Variants in PDXK observed in about 807,000 individuals in gnomAD.
PDXK encodes epididymis secretory sperm binding protein Li 1a.
In PDXK, 15 loss-of-function variants were observed where a neutral mutation model predicts 43.2. The observed-to-expected ratio is 0.35, with a 90% confidence interval of 0.23 to 0.53. The LOEUF is 0.53. Ranked by LOEUF, PDXK falls within the 20% of genes least tolerant of loss-of-function variation. The probability of loss-of-function intolerance (pLI) is 0.92; values close to 1 mark genes in which losing one functional copy is unlikely to be tolerated. For synonymous variants in PDXK, 172 were observed against 165.4 expected (o/e 1.04, Z -0.31); for missense variants, 343 against 417.0 (o/e 0.82, Z 1.54).
chr21:43,729,929 A>G (rs2083296207), intron 1 of PDXK, among the ~76,000 whole-genome samples: 2 of 152,012 alleles, frequency 1.3e-5, no homozygotes, highest in African/African-American at 2.4e-5. Flanking sequence ...GGGCAACAGC[A>G]TGAGATCCTG....
chr21:43,740,563 GC>G (rs1017723665), intron 2 of PDXK, among the ~76,000 whole-genome samples: 1 of 151,998 alleles, frequency 6.6e-6, no homozygotes, highest in Non-Finnish European at 1.5e-5. Context: ...GTGGATGGCT[GC>G]CCCCTGAGCA....
chr21:43,744,924 C>T (rs1357827025), intron 4 of PDXK, among the ~76,000 whole-genome samples: 2 of 152,162 alleles, frequency 1.3e-5, no homozygotes, highest in African/African-American at 4.8e-5. Flanking sequence ...ATTACTCAGT[C>T]TGGAAAAGGA....
Position 43,753,604 on chromosome 21 carries a change from T to C in PDXK, c.644T>C (p.Val215Ala). 1 of 1,613,064 alleles carries C rather than the reference T, an allele frequency of 6.2e-7. No homozygotes were observed. The highest frequency in any genetic ancestry group is 8.5e-7 in the Non-Finnish European group (1 of 1,179,364). ...CTAGGGAATCCCGCTGGCTCCGTGG[T>C]GATGGAACGCATCCGGATGGACATT... ...QRRRNPAGSV[V>A]MERIRMDIRK... The change falls in exon 9 of 11, where the codon GTG becomes GCG. Residue 215 changes from valine to alanine, a missense_variant. Physicochemically the swap from Val to Ala is moderately conservative, Grantham distance 64 (BLOSUM62 0). Coordinates refer to ENST00000291565, the MANE Select transcript of PDXK (RefSeq NM_003681.5).
chr21:43,730,583 G>A (rs1432078530), intron 1 of PDXK, among the ~76,000 whole-genome samples: 1 of 152,204 alleles, frequency 6.6e-6, no homozygotes, highest in East Asian at 1.9e-4. Context: ...AAATAGCTGA[G>A]TAGACAACAG....
rs113039409 is a variant in PDXK, at chr21:43,735,091, C to T, written c.142+968C>T. 4.4e-3 allele frequency among the ~76,000 whole-genome samples: 668 copies of T among 152,306 alleles called. 4 individuals are homozygous for T. Among genetic ancestry groups the T allele is most frequent in the African/African-American group, 0.015 (631 of 41,562 alleles). ...CAGACGGACAGGCTCCAGCTCTTGG[C>T]GGTGCAGATGGACAAGCTCCAGCTC... On this transcript the variant is annotated intron_variant, in intron 2 of 10. Transcript: ENST00000291565. The surrounding 1 kb of genome is among the most constrained non-coding windows in gnomAD (Gnocchi z 5.3).
In PDXK at chr21:43,753,674, T is replaced by C. The variant is rs912365069; in HGVS notation, c.714T>C (p.Ala238=). The C allele has an allele frequency of 3.0e-5, 49 of 1,613,716 alleles. No homozygotes were observed. Among genetic ancestry groups the C allele is most frequent in the Non-Finnish European group, 4.2e-5 (49 of 1,179,792 alleles). The change falls in exon 9 of 11, where the codon GCT becomes GCC. Residue 238 remains alanine, a synonymous_variant. Coordinates refer to ENST00000291565, the MANE Select transcript of PDXK (RefSeq NM_003681.5). The part of the protein sequence containing the change: ...AVFVGTGDLF[A]AMLLAWTHKH... ...TTGTGGGCACTGGGGACCTGTTTGC[T>C]GCCATGCTCCTGGCGTGGACACACA...
chr21:43,727,104 A>G (rs924325977), intron 1 of PDXK, among the ~76,000 whole-genome samples: 1 of 152,128 alleles, frequency 6.6e-6, no homozygotes, highest in African/African-American at 2.4e-5. Flanking sequence ...TTCCCTGGAA[A>G]GGGAGGGGCG....
intron 4 of PDXK, 141 bp from the exon 5 acceptor site, chr21:43,745,938 A>G: frequency 1.4e-6 from 1 of 710,466 alleles, no homozygotes; most frequent in Non-Finnish European, 2.6e-6. Context: ...TCGAGGTTGC[A>G]GTGAACCATG....
rs1030517463 is a variant in PDXK at position 43,734,314 on chromosome 21, C to G, written c.142+191C>G. Among the ~76,000 whole-genome samples the G allele has an allele frequency of 2.0e-5, 3 of 151,744 alleles. No homozygotes were observed. The highest frequency in any genetic ancestry group is 4.4e-5 in the Non-Finnish European group (3 of 67,916). On this transcript the variant is annotated intron_variant, in intron 2 of 10. Transcript: ENST00000291565. This position sits in a 1 kb window ranked among gnomAD's most constrained non-coding sequence, Gnocchi z 5.0. ...ATATCAGGGTGTAGGCCTGGGTGGCCTCGCCTCTGAGAGGGGTTGTGTTGA... is the reference window on the plus strand; with the variant it reads ...ATATCAGGGTGTAGGCCTGGGTGGCGTCGCCTCTGAGAGGGGTTGTGTTGA...
chr21:43,723,303 C>T lies in PDXK; in HGVS notation c.87+3922C>T, dbSNP rs915353361. Among the ~76,000 whole-genome samples the T allele has an allele frequency of 6.6e-6, 1 of 151,998 alleles. No homozygotes were observed. The highest frequency in any genetic ancestry group is 2.1e-4 in the South Asian group (1 of 4,820). On this transcript the variant is annotated intron_variant, in intron 1 of 10. Transcript: ENST00000291565. The surrounding 1 kb of genome is among the most constrained non-coding windows in gnomAD (Gnocchi z 4.1). ...CTGAGTAGCTGGGATTACAAGTATG[C>T]ACCACCACACCTGACTAATTTTTCT...
Position 43,737,202 on chromosome 21 carries a change from G to A in PDXK, c.142+3079G>A, listed in dbSNP as rs754028034. 1.0e-4 allele frequency: 144 copies of A among 1,440,100 alleles called. No homozygotes were observed. Among genetic ancestry groups the A allele is most frequent in the Non-Finnish European group, 1.2e-4 (137 of 1,099,186 alleles). The allele number at this position is 1,440,100 out of a possible 1,614,324, so 89.2% of individuals were successfully genotyped here. Reference sequence around the variant, plus strand: ...GACACGGGTGTTCCACACAAGCTGCGTTGTTGGTTCCCTGACGCCCTTCAG... The same window carrying A: ...GACACGGGTGTTCCACACAAGCTGCATTGTTGGTTCCCTGACGCCCTTCAG... On this transcript the variant is annotated intron_variant, in intron 2 of 10. Transcript: ENST00000291565. This position sits in a 1 kb window ranked among gnomAD's most constrained non-coding sequence, Gnocchi z 4.8.
At chr21:43,750,867 T>C (rs1201052288) in intron 7 of PDXK, among the ~76,000 whole-genome samples, 1 of 151,862 alleles carries the variant, frequency 6.6e-6, no homozygotes, top group East Asian at 1.9e-4. Flanking sequence ...CATGTGCGTC[T>C]GTGTGCATGT....
intron 7 of PDXK, among the ~76,000 whole-genome samples, 190 bp from the exon 8 acceptor site, chr21:43,752,328 T>C (rs1260981504): frequency 6.6e-6 from 1 of 152,182 alleles, no homozygotes; most frequent in African/African-American, 2.4e-5. Context: ...GGGGGGATGG[T>C]GGCTGACCAG....
At chr21:43,730,218 C>T (rs2083300444) in intron 1 of PDXK, among the ~76,000 whole-genome samples, 2 of 152,066 alleles carry the variant, frequency 1.3e-5, no homozygotes, top group Admixed American at 6.5e-5. Flanking sequence ...CTCCGCCTCC[C>T]AGGTTCAAGT....
intron 5 of PDXK, chr21:43,747,194 T>C (rs1188567889): frequency 6.6e-6 from 1 of 152,298 alleles, no homozygotes; most frequent in Non-Finnish European, 1.5e-5. Flanking sequence ...CAGCAGCAGC[T>C]GCAGCCCACA....
At chr21:43,745,954 A>T in intron 4 of PDXK, 125 bp from the exon 5 acceptor site, 1 of 763,874 alleles carries the variant, frequency 1.3e-6, no homozygotes, top group Non-Finnish European at 2.3e-6. Flanking sequence ...CCATGATTGC[A>T]CCACTGCACT....
intron 1 of PDXK, among the ~76,000 whole-genome samples, chr21:43,726,866 T>C (rs1291319516): frequency 6.6e-6 from 1 of 152,072 alleles, no homozygotes; most frequent in Admixed American, 6.6e-5. Flanking sequence ...ATGGTGTGTG[T>C]GTATGTGGGT....
rs1220266880 is a variant in PDXK, at chr21:43,756,881, T to A, written c.*818T>A. On this transcript the variant is annotated 3_prime_UTR_variant, in exon 11 of 11. Transcript: ENST00000291565. ...CCAGAGAACCACCCCGTCAGGTTCC[T>A]TGTGGAAGCTCCCCTCATCCGTGGT... is the stretch of plus-strand genomic sequence containing the variant. The A allele has an allele frequency of 6.6e-6, 1 of 152,420 alleles. No homozygotes were observed. Among genetic ancestry groups the A allele is most frequent in the South Asian group, 2.1e-4 (1 of 4,840 alleles). The allele number at this position is 152,420 out of a possible 1,614,324, so 9.4% of individuals were successfully genotyped here.
Position 43,756,466 on chromosome 21 carries a change from T to C in PDXK, c.*403T>C, listed in dbSNP as rs1348324329. ...CTGGGCTGGGCCTGGGTGGCCTCTG[T>C]CTTTGCATCTCTGAGAAGGAGTCGG... On this transcript the variant is annotated 3_prime_UTR_variant, in exon 11 of 11. Transcript: ENST00000291565. The C allele has an allele frequency of 5.9e-6, 1 of 170,726 alleles. No individual in the cohort carries two copies. The highest frequency in any genetic ancestry group is 2.4e-5 in the African/African-American group (1 of 41,862). The allele number at this position is 170,726 out of a possible 1,614,324, so 10.6% of individuals were successfully genotyped here.
Sources: gnomAD v4.1 joint callset for allele counts (sites outside exome capture counted in the v4.1 genomes callset) on GRCh38, gnomAD v4.1.1 for gene constraint, Gnocchi (gnomAD v3.1) non-coding constraint, MANE v1.5 for transcripts, NCBI Gene and HGNC (gene_info 2026-07-23, HGNC 2026-07-21) for gene names.